The following GPHN variants were observed in gnomAD, a reference collection of about 807,000 sequenced individuals.
The protein encoded by GPHN is gephyrin.
Under a neutral mutation model 95.5 loss-of-function variants are expected in GPHN, and 17 were observed. The observed-to-expected ratio is 0.18, with a 90% CI of 0.12 to 0.27. The LOEUF (loss-of-function observed/expected upper bound fraction) is 0.27. Ranked by LOEUF, GPHN falls within the 10% of genes least tolerant of loss-of-function variation. The probability of loss-of-function intolerance (pLI) is 1.00; values close to 1 mark genes in which losing one functional copy is unlikely to be tolerated. For missense variants in GPHN, 660 were observed against 978.1 expected, an observed-to-expected ratio of 0.67 and a Z score of 4.34; for synonymous variants, 320 against 322.5, an observed-to-expected ratio of 0.99 and a Z score of 0.08.
the GPHN span, among the ~76,000 whole-genome samples, chr14:67,330,751 A>G: frequency 2.6e-5 from 4 of 151,978 alleles, no homozygotes; most frequent in African/African-American, 9.7e-5. Context: ...AGCCCCCGGC[A>G]CCCCGCTTCC....
chr14:67,243,638 G>A, the GPHN span, among the ~76,000 whole-genome samples: 1 of 151,534 alleles, frequency 6.6e-6, no homozygotes, highest in African/African-American at 2.4e-5. Flanking sequence ...GACTACAGGT[G>A]CCCGCCACCA....
At chr14:66,584,912 T>C (rs1404372293) in intron 1 of GPHN, among the ~76,000 whole-genome samples, 1 of 152,202 alleles carries the variant, frequency 6.6e-6, no homozygotes, top group Non-Finnish European at 1.5e-5. Flanking sequence ...TAAAATGAGG[T>C]AGGGAGGATT....
chr14:67,639,686 C>T, the GPHN span, among the ~76,000 whole-genome samples: 2 of 152,058 alleles, frequency 1.3e-5, no homozygotes, highest in Middle Eastern at 3.4e-3. Flanking sequence ...TTTGGGAGGC[C>T]GAGGCAGGTG....
At chr14:66,624,469 G>T (rs533309503) in intron 1 of GPHN, among the ~76,000 whole-genome samples, 3 of 152,158 alleles carry the variant, frequency 2.0e-5, no homozygotes, top group Non-Finnish European at 4.4e-5. Context: ...TTAAATAAAC[G>T]GTTGGGTCTG....
chr14:66,806,305 C>T (rs145080523), intron 3 of GPHN, among the ~76,000 whole-genome samples: 9 of 152,260 alleles, frequency 5.9e-5, no homozygotes, highest in South Asian at 2.1e-4. Context: ...CCTCTTAGTC[C>T]TCCAGACCTG....
chr14:67,521,706 GC>G, the GPHN span, among the ~76,000 whole-genome samples: 1 of 152,168 alleles, frequency 6.6e-6, no homozygotes, highest in South Asian at 2.1e-4. Flanking sequence ...CACTAAGACA[GC>G]CCTGAAAATT....
chr14:67,463,436 G>A, the GPHN span, among the ~76,000 whole-genome samples: 3 of 152,004 alleles, frequency 2.0e-5, no homozygotes, highest in East Asian at 5.8e-4. Flanking sequence ...TCAGGAGATC[G>A]AGACCATCCT....
the GPHN span, chr14:67,202,921 T>C: frequency 4.1e-6 from 1 of 242,150 alleles, no homozygotes; most frequent in Non-Finnish European, 6.7e-6. Flanking sequence ...GGTCAGAGGC[T>C]GTGTCTGTTC....
At chr14:67,675,375 G>A in the GPHN span, among the ~76,000 whole-genome samples, 1 of 151,056 alleles carries the variant, frequency 6.6e-6, no homozygotes, top group Non-Finnish European at 1.5e-5. Context: ...ATGGTGGCGC[G>A]CACTTTTGGC....
chr14:66,668,976 G>A (rs576886359), intron 1 of GPHN, among the ~76,000 whole-genome samples: 1 of 151,126 alleles, frequency 6.6e-6, no homozygotes, highest in South Asian at 2.1e-4. Context: ...TGCCTCCCAG[G>A]TTCAAGCAAT....
At chr14:67,583,888 G>A in the GPHN span, 3 of 1,613,462 alleles carry the variant, frequency 1.9e-6, no homozygotes, top group Non-Finnish European at 2.5e-6. Flanking sequence ...GCTGAGGTAG[G>A]TAGGCTACAA....
the GPHN span, among the ~76,000 whole-genome samples, chr14:67,269,014 G>T: frequency 1.3e-5 from 2 of 152,070 alleles, no homozygotes; most frequent in African/African-American, 4.8e-5. Flanking sequence ...TGCATGCCTT[G>T]GCCATAATTC....
rs192198171 is a variant in GPHN, at chr14:66,711,647, A to G, written c.143+30462A>G. Among the ~76,000 whole-genome samples, 20 of 147,642 alleles carry G rather than the reference A, an allele frequency of 1.4e-4. No homozygotes were observed. The South Asian group carries it at 1.9e-3, about 14-fold the overall frequency. ...TCTAGGGTACATGTGCACAATGTGC[A>G]GGTTTGTTACATAGGTATACATGTG... is the stretch of plus-strand genomic sequence containing the variant. On this transcript the variant is annotated intron_variant, in intron 2 of 22. Coordinates refer to ENST00000478722, the MANE Select transcript of GPHN (RefSeq NM_020806.5).
chr14:67,653,664 G>A, the GPHN span, among the ~76,000 whole-genome samples: 1 of 152,348 alleles, frequency 6.6e-6, no homozygotes, highest in South Asian at 2.1e-4. Context: ...AACCTGGAAA[G>A]GACAAGATAT....
At chr14:67,191,233 C>CAA in the GPHN span, among the ~76,000 whole-genome samples, 1 of 149,662 alleles carries the variant, frequency 6.7e-6, no homozygotes, top group African/African-American at 2.4e-5. Context: ...GACTCCGTCT[C>CAA]AAAAAAAAAC....
chr14:66,928,661 A>G (rs893052112), intron 8 of GPHN, among the ~76,000 whole-genome samples: 9 of 152,136 alleles, frequency 5.9e-5, no homozygotes, highest in African/African-American at 1.7e-4. Flanking sequence ...GCTTATTGGT[A>G]TAAACTTTCC....
intron 1 of GPHN, among the ~76,000 whole-genome samples, chr14:66,645,021 A>G (rs1430237488): frequency 1.3e-5 from 2 of 152,166 alleles, no homozygotes; most frequent in African/African-American, 4.8e-5. Flanking sequence ...TATATAGGAA[A>G]AGGTAATTCA....
chr14:66,801,175 TGTTTTTCCAG>T (rs2060334735), intron 3 of GPHN, among the ~76,000 whole-genome samples: 1 of 152,226 alleles, frequency 6.6e-6, no homozygotes, highest in African/African-American at 2.4e-5. Context: ...CACATATCTC[TGTTTTTCCAG>T]GTTTGGACCC....
chr14:66,581,691 G>T (rs934951502), intron 1 of GPHN, among the ~76,000 whole-genome samples: 5 of 151,894 alleles, frequency 3.3e-5, no homozygotes, highest in African/African-American at 9.7e-5. Context: ...GAATGTGACA[G>T]GATAGAAGTA....
Sources: gnomAD v4.1 joint callset for allele counts (sites outside exome capture counted in the v4.1 genomes callset) on GRCh38, gnomAD v4.1.1 for gene constraint, MANE v1.5 for transcripts, NCBI Gene and HGNC (gene_info 2026-07-23, HGNC 2026-07-21) for gene names.